Variants in PTPRD observed in about 807,000 individuals in gnomAD.
PTPRD encodes the protein protein tyrosine phosphatase receptor type D, also known as receptor-type tyrosine-protein phosphatase delta.
A neutral mutation model predicts 214.5 loss-of-function variants in PTPRD; 34 were observed. The observed-to-expected ratio is 0.16, with a 90% CI of 0.12 to 0.21. PTPRD has a LOEUF of 0.21. Ranked by LOEUF, PTPRD falls within the 10% of genes least tolerant of loss-of-function variation. PTPRD has a pLI of 1.00. For missense variants in PTPRD, 2,545 were observed against 2,398.7 expected (o/e 1.06, Z -1.27); for synonymous variants, 1,128 against 845.7 (o/e 1.33, Z -5.79).
intron 2 of PTPRD, among the ~76,000 whole-genome samples, chr9:10,530,813 A>C (rs2134662033): frequency 6.6e-6 from 1 of 152,306 alleles, no homozygotes; most frequent in South Asian, 2.1e-4. Flanking sequence ...TAAATAAATA[A>C]ATAAACAGGA....
intron 10 of PTPRD, among the ~76,000 whole-genome samples, chr9:9,133,861 C>T (rs1355263187): frequency 6.6e-6 from 1 of 151,994 alleles, no homozygotes; most frequent in East Asian, 1.9e-4. Flanking sequence ...CAACACAGTC[C>T]CAATTTACCC....
intron 15 of PTPRD, 70 bp from the exon 16 acceptor site, chr9:8,527,423 A>C: frequency 6.8e-7 from 1 of 1,471,912 alleles, no homozygotes; most frequent in Non-Finnish European, 9.4e-7. Flanking sequence ...AATTTGGTAC[A>C]AATTTTTCAG....
intron 10 of PTPRD, among the ~76,000 whole-genome samples, chr9:9,085,878 G>A (rs1204386896): frequency 6.6e-6 from 1 of 152,150 alleles, no homozygotes; most frequent in Non-Finnish European, 1.5e-5. Context: ...GGCTGAAATT[G>A]TCCCCAGGAA....
At chr9:9,186,190 C>T (rs1352313067) in intron 9 of PTPRD, among the ~76,000 whole-genome samples, 3 of 151,918 alleles carry the variant, frequency 2.0e-5, no homozygotes, top group Admixed American at 6.6e-5. Context: ...GAAGGCAGAC[C>T]CTAGTGCATG....
At chr9:10,492,501 T>A (rs942680262) in intron 2 of PTPRD, among the ~76,000 whole-genome samples, 20 of 152,186 alleles carry the variant, frequency 1.3e-4, no homozygotes, top group African/African-American at 3.9e-4. Context: ...ATTGGCCACA[T>A]AAATGTCTTT....
Position 8,893,463 on chromosome 9 carries a change from C to G in PTPRD, c.-104+125234G>C, listed in dbSNP as rs2098560635. On this transcript the variant is annotated intron_variant, in intron 11 of 45. Transcript: ENST00000381196. The stretch of plus-strand genomic sequence containing the variant: ...ACCATGATGCTCAAGCTCAACATTT[C>G]CAGTAATCAGAGAAACACCATTTCA... Among the ~76,000 whole-genome samples, 3 of 152,266 alleles carry G rather than the reference C, an allele frequency of 2.0e-5. No individual in the cohort carries two copies. The South Asian group carries it at 6.2e-4, about 32-fold the overall frequency.
intron 2 of PTPRD, among the ~76,000 whole-genome samples, chr9:10,588,623 A>C (rs910802504): frequency 1.3e-5 from 2 of 152,044 alleles, no homozygotes; most frequent in Admixed American, 6.6e-5. Flanking sequence ...TCAGTAAAAG[A>C]CTATTGCTCA....
intron 4 of PTPRD, among the ~76,000 whole-genome samples, chr9:10,030,121 C>T (rs1372320322): frequency 6.6e-6 from 1 of 152,282 alleles, no homozygotes. Flanking sequence ...ACATGTGGCA[C>T]TGTAAGTCTC....
intron 11 of PTPRD, among the ~76,000 whole-genome samples, chr9:8,741,651 T>A (rs955334147): frequency 2.7e-4 from 36 of 132,322 alleles, no homozygotes; most frequent in Non-Finnish European, 4.3e-4. Flanking sequence ...TGGTGTGATC[T>A]CGGCTCACTG....
At chr9:10,604,605 G>C (rs2078845056) in intron 2 of PTPRD, among the ~76,000 whole-genome samples, 1 of 151,796 alleles carries the variant, frequency 6.6e-6, no homozygotes, top group Admixed American at 6.6e-5. Flanking sequence ...ATGAGGCTAA[G>C]CTATTCTTTC....
intron 12 of PTPRD, among the ~76,000 whole-genome samples, chr9:8,662,120 A>C (rs1475449527): frequency 6.6e-6 from 1 of 152,086 alleles, no homozygotes; most frequent in Non-Finnish European, 1.5e-5. Context: ...TTCAAAACCT[A>C]CAGAAGAACA....
chr9:8,567,218 C>A (rs1393142963), intron 14 of PTPRD, among the ~76,000 whole-genome samples: 2 of 152,142 alleles, frequency 1.3e-5, no homozygotes, highest in East Asian at 3.9e-4. Context: ...CGGTACCTGC[C>A]TTTTCCAGGC....
At chr9:8,674,740 T>G (rs573083032) in intron 12 of PTPRD, among the ~76,000 whole-genome samples, 2 of 152,276 alleles carry the variant, frequency 1.3e-5, no homozygotes, top group South Asian at 4.1e-4. Context: ...ATGATTAAGG[T>G]ACATTCAGAG....
intron 39 of PTPRD, among the ~76,000 whole-genome samples, chr9:8,349,894 G>C (rs1187600825): frequency 6.7e-6 from 1 of 149,464 alleles, no homozygotes; most frequent in Non-Finnish European, 1.5e-5. Context: ...ATATTTGTTT[G>C]ACTTCAGCAG....
intron 10 of PTPRD, among the ~76,000 whole-genome samples, chr9:9,150,767 C>T (rs551639495): frequency 1.1e-4 from 17 of 152,218 alleles, no homozygotes; most frequent in South Asian, 2.1e-4. Context: ...AGCCAACAAC[C>T]GGCCTGAAAC....
intron 9 of PTPRD, among the ~76,000 whole-genome samples, chr9:9,345,694 T>C (rs979095060): frequency 3.9e-5 from 6 of 152,158 alleles, no homozygotes; most frequent in Non-Finnish European, 7.4e-5. Context: ...CAAATCCTGA[T>C]CATAATGGCT....
chr9:10,049,800 A>AATGCTTGT (rs2097492735), intron 3 of PTPRD, among the ~76,000 whole-genome samples: 1 of 152,146 alleles, frequency 6.6e-6, no homozygotes, highest in Admixed American at 6.6e-5. Flanking sequence ...GATGAGTAGA[A>AATGCTTGT]ATGCTTGTAG....
At chr9:10,279,337 C>T (rs80302082) in intron 3 of PTPRD, among the ~76,000 whole-genome samples, 9,906 of 152,134 alleles carry the variant, frequency 0.065, 748 homozygotes, top group Admixed American at 0.17. Flanking sequence ...TTAGACATAA[C>T]AGTTTGGTGA....
intron 5 of PTPRD, among the ~76,000 whole-genome samples, chr9:9,776,971 C>A (rs1010358035): frequency 1.3e-5 from 2 of 152,138 alleles, no homozygotes; most frequent in Non-Finnish European, 2.9e-5. Context: ...ATTTTCTAGT[C>A]ATTTACTAAA....
Sources: allele counts gnomAD v4.1 joint callset (sites outside exome capture counted in the v4.1 genomes callset), GRCh38; gene constraint gnomAD v4.1.1; transcripts MANE v1.5; gene names NCBI Gene and HGNC (gene_info 2026-07-23, HGNC 2026-07-21).